Variants in NOD1 observed in about 807,000 individuals in gnomAD.
NOD1 encodes nucleotide-binding oligomerization domain-containing protein 1.
Under a neutral mutation model 81.2 loss-of-function variants are expected in NOD1, and 70 were observed. That is an observed-to-expected ratio of 0.86 (90% CI 0.71 to 1.05). The LOEUF (loss-of-function observed/expected upper bound fraction) is 1.05, where lower values mean the gene tolerates loss of function less well. NOD1 is among the 50% of genes least tolerant of loss of function. The pLI, the probability that NOD1 is intolerant of heterozygous loss-of-function variation, is 0.00. For missense variants in NOD1, 1,233 were observed against 1,228.0 expected, an observed-to-expected ratio of 1.00 and a Z score of -0.06; for synonymous variants, 508 against 526.9, an observed-to-expected ratio of 0.96 and a Z score of 0.49.
At chr7:30,465,084 C>A (rs4722987) in intron 1 of NOD1, among the ~76,000 whole-genome samples, 25,447 of 152,120 alleles carry the variant, frequency 0.17, 2,287 homozygotes, top group Admixed American at 0.23. Flanking sequence ...TGTGTGGAAG[C>A]AGAAATGAGC....
chr7:30,469,870 T>A (rs1215407431), intron 1 of NOD1, among the ~76,000 whole-genome samples: 1 of 152,198 alleles, frequency 6.6e-6, no homozygotes, highest in African/African-American at 2.4e-5. Context: ...CAGAGTAGCC[T>A]CCTCAGTAGC....
At chr7:30,446,103 G>A in intron 9 of NOD1, 38 bp downstream of exon 9, 2 of 1,473,190 alleles carry the variant, frequency 1.4e-6, no homozygotes, top group African/African-American at 1.4e-5. Context: ...CACACACACA[G>A]CAGGTTGTAC....
chr7:30,427,932 G>A (rs572243055), intron 13 of NOD1, among the ~76,000 whole-genome samples: 4 of 152,318 alleles, frequency 2.6e-5, no homozygotes, highest in African/African-American at 9.6e-5. Flanking sequence ...CAGAAACGGA[G>A]TGGCCTGAGG....
At chr7:30,473,115 C>G (rs1338542990) in intron 1 of NOD1, among the ~76,000 whole-genome samples, 1 of 152,182 alleles carries the variant, frequency 6.6e-6, no homozygotes, top group Admixed American at 6.5e-5. Context: ...CACAGAAAGC[C>G]AGAAAAGCAA....
intron 4 of NOD1, among the ~76,000 whole-genome samples, chr7:30,455,589 TC>T (rs1387638109): frequency 1.1e-4 from 14 of 128,384 alleles, no homozygotes; most frequent in African/African-American, 4.8e-4. Context: ...CTTCTCTACC[TC>T]TTTTTTTTTT....
chr7:30,433,347 G>A (rs1784110735), intron 11 of NOD1, 168 bp from the exon 12 acceptor site: 1 of 600,490 alleles, frequency 1.7e-6, no homozygotes, highest in Admixed American at 3.1e-5. Flanking sequence ...CAGCCCCACA[G>A]AAGGTCAATG....
In NOD1 at chr7:30,451,441, A is replaced by G; in HGVS notation, c.1976T>C (p.Ile659Thr). Residue 659 changes from isoleucine to threonine, a missense_variant, in exon 6 of 14, where the codon ATC (isoleucine) becomes ACC (threonine). Coordinates refer to ENST00000222823, the MANE Select transcript of NOD1 (RefSeq NM_006092.4). This position sits in a 1 kb window ranked among gnomAD's most constrained non-coding sequence, Gnocchi z 4.2. The stretch of plus-strand genomic sequence containing the variant: ...CACCTTCTGGCTCTGTGTCTCGTAG[A>G]TGCAGCGCAGCATCCAGATGAACGT... The part of the protein sequence containing the change: ...MPTFIWMLRC[I>T]YETQSQKVGQ... 1.2e-6 allele frequency: 2 copies of G among 1,613,764 alleles called. No homozygotes were observed. Among genetic ancestry groups the G allele is most frequent in the Non-Finnish European group, 8.5e-7 (1 of 1,180,008 alleles).
At chr7:30,447,491 C>T (rs57588576) in intron 7 of NOD1, 3,401 of 233,356 alleles carry the variant, frequency 0.015, 125 homozygotes, top group African/African-American at 0.072. Flanking sequence ...GCCATCTCAC[C>T]GCTCAATGCC....
chr7:30,437,449 G>A (rs533932709), intron 10 of NOD1, 124 bp downstream of exon 10: 19 of 549,428 alleles, frequency 3.5e-5, no homozygotes, highest in Non-Finnish European at 5.8e-5. Context: ...GGTTTGACAA[G>A]AGTAAGGAAA....
At chr7:30,466,866 AG>A (rs1396625433) in intron 1 of NOD1, among the ~76,000 whole-genome samples, 1 of 152,184 alleles carries the variant, frequency 6.6e-6, no homozygotes, top group African/African-American at 2.4e-5. Flanking sequence ...CTGCTTTACT[AG>A]GAAGAAAAAT....
rs146205545 is a variant in NOD1 at position 30,429,402 on chromosome 7, G to A, written c.2761C>T (p.Gln921Ter). The A allele has an allele frequency of 3.7e-4, 601 of 1,614,134 alleles. 3 individuals are homozygous for A. Among genetic ancestry groups the A allele is most frequent in the Non-Finnish European group, 5.3e-5 (62 of 1,179,954 alleles). ...KGTAQLADAL[Q>*]SNTGITEICL... ...ATCTCTGTTATGCCAGTGTTGCTCTGTAACGCATCTGCCAGCTGGGCAGTC... is the reference window on the plus strand; with the variant it reads ...ATCTCTGTTATGCCAGTGTTGCTCTATAACGCATCTGCCAGCTGGGCAGTC... Residue 921 changes from glutamine (Q) to a stop codon, truncating the protein, a stop_gained, in exon 13 of 14, where the codon CAG (glutamine) becomes TAG (stop). Transcript: ENST00000222823. LOFTEE classifies it high-confidence loss of function.
intron 12 of NOD1, among the ~76,000 whole-genome samples, chr7:30,430,409 G>A (rs1783849414): frequency 6.6e-6 from 1 of 152,174 alleles, no homozygotes; most frequent in Non-Finnish European, 1.5e-5. Flanking sequence ...AGGCTGTAGT[G>A]TCTCCGCTTC....
At chr7:30,466,505 T>A (rs1787708406) in intron 1 of NOD1, among the ~76,000 whole-genome samples, 1 of 152,044 alleles carries the variant, frequency 6.6e-6, no homozygotes, top group Non-Finnish European at 1.5e-5. Context: ...CAACCTTGAT[T>A]GTTTGATAGC....
At position 30,456,925 on chromosome 7, in the gene NOD1, T is replaced by TA. The variant is rs1398719397; in HGVS notation, c.-5dup. 1.2e-6 allele frequency: 2 copies of TA among 1,613,598 alleles called. No individual in the cohort carries two copies. The highest frequency in any genetic ancestry group is 1.7e-5 in the Admixed American group (1 of 60,016). On this transcript the variant is annotated 5_prime_UTR_variant, in exon 4 of 14. It introduces an in-frame stop codon into an upstream open reading frame of the 5' UTR. Coordinates refer to ENST00000222823, the MANE Select transcript of NOD1 (RefSeq NM_006092.4). ...CACTGTGGCCCTGCTCTTCCATAGT[T>TA]AAAGTAGCAAGCGGCTACTTTTCCC...
Position 30,429,251 on chromosome 7 carries a change from C to T in NOD1, c.2789+123G>A. 4 of 832,992 alleles carry T rather than the reference C, an allele frequency of 4.8e-6. No individual in the cohort carries two copies. In the South Asian group the frequency reaches 5.7e-5, roughly 12 times the overall value. 51.6% of individuals were successfully genotyped at this position (832,992 alleles called of 1,614,324 possible). A position where few individuals can be genotyped will look rare whatever the true frequency, so the allele number is the denominator to read the frequency against. ...CTACCTCTGTAAAACAGAGGTAATA[C>T]CATTACTGTGCAGGGTTGCTGGAGG... On this transcript the variant is annotated intron_variant, in intron 13 of 13. Transcript: ENST00000222823.
At position 30,451,001 on chromosome 7, in the gene NOD1, C is replaced by G. The variant is rs1195743967; in HGVS notation, c.2201+215G>C. 6.6e-6 allele frequency among the ~76,000 whole-genome samples: 1 copy of G among 152,202 alleles called. No individual in the cohort carries two copies. The highest frequency in any genetic ancestry group is 1.5e-5 in the Non-Finnish European group (1 of 68,042). ...GCGTGGAGGCTCTGAGAGTTAAGCA[C>G]TTTGTTCAAGGGCACCCAGCTGTGG... On this transcript the variant is annotated intron_variant, in intron 6 of 13. Transcript: ENST00000222823. The surrounding 1 kb of genome is among the most constrained non-coding windows in gnomAD (Gnocchi z 4.2).
intron 6 of NOD1, among the ~76,000 whole-genome samples, chr7:30,450,084 C>T (rs1467999710): frequency 6.6e-6 from 1 of 152,198 alleles, no homozygotes; most frequent in Non-Finnish European, 1.5e-5. Context: ...ATCCCAGCTA[C>T]TCAGGAGGCT....
chr7:30,433,525 G>A, intron 11 of NOD1: 1 of 294,628 alleles, frequency 3.4e-6, no homozygotes. Context: ...TTCTCCTCTA[G>A]TCCCAGGGTC....
chr7:30,451,541 A>G lies in NOD1; in HGVS notation c.1876T>C (p.Ser626Pro), dbSNP rs199608475. ...KRKALWAHLFSSLRGYLKSLP... is the reference protein window; with the variant it reads ...KRKALWAHLFPSLRGYLKSLP... ...CTCTTCAGGTAGCCCCGCAGGCTGG[A>G]AAACAGGTGTGCCCACAGGGCCTTG... Residue 626 changes from serine to proline, a missense_variant, in exon 6 of 14, where the codon TCC (serine) becomes CCC (proline). Coordinates refer to ENST00000222823, the MANE Select transcript of NOD1 (RefSeq NM_006092.4). The surrounding 1 kb of genome is among the most constrained non-coding windows in gnomAD (Gnocchi z 4.2). The G allele has an allele frequency of 6.2e-7, 1 of 1,613,128 alleles. No individual in the cohort carries two copies. Among genetic ancestry groups the G allele is most frequent in the African/African-American group, 1.3e-5 (1 of 75,034 alleles).
Sources: gnomAD v4.1 joint callset for allele counts (sites outside exome capture counted in the v4.1 genomes callset) on GRCh38, gnomAD v4.1.1 for gene constraint, Gnocchi (gnomAD v3.1) non-coding constraint, MANE v1.5 for transcripts, NCBI Gene and HGNC (gene_info 2026-07-23, HGNC 2026-07-21) for gene names.